The following WWC2 variants were observed in gnomAD, a reference collection of about 807,000 sequenced individuals.
WWC2 encodes WW and C2 domain containing 2, also known as protein WWC2.
WWC2 carries 101 observed loss-of-function variants against 138.5 expected under a neutral mutation model. That is an observed-to-expected ratio of 0.73 (90% CI 0.62 to 0.86). WWC2 has a LOEUF of 0.86. WWC2 is among the 40% of genes least tolerant of loss of function. The probability of loss-of-function intolerance (pLI) is 0.00; values close to 1 mark genes in which losing one functional copy is unlikely to be tolerated. For synonymous variants in WWC2, 558 were observed against 538.4 expected (o/e 1.04, Z -0.50); for missense variants, 1,420 against 1,419.4 (o/e 1.00, Z -0.01).
At chr4:183,133,176 T>C (rs1170300186) in intron 1 of WWC2, among the ~76,000 whole-genome samples, 1 of 144,952 alleles carries the variant, frequency 6.9e-6, no homozygotes, top group Non-Finnish European at 1.5e-5. Flanking sequence ...TTTGACCAGG[T>C]CTTGCTCTGT....
chr4:183,177,088 A>C (rs952092340), intron 1 of WWC2, among the ~76,000 whole-genome samples: 2 of 152,198 alleles, frequency 1.3e-5, no homozygotes, highest in Non-Finnish European at 2.9e-5. Context: ...GGTAGGAAGG[A>C]GGACTAGAGC....
intron 1 of WWC2, among the ~76,000 whole-genome samples, chr4:183,137,702 T>A (rs187086303): frequency 1.3e-5 from 2 of 152,318 alleles, no homozygotes; most frequent in African/African-American, 4.8e-5. Context: ...TTTTGCCATG[T>A]TGCCCAGGCT....
chr4:183,281,235 A>C (rs568194642), intron 17 of WWC2: 1 of 354,238 alleles, frequency 2.8e-6, no homozygotes. Flanking sequence ...AAGTGACTCT[A>C]TTTTTCTTTT....
chr4:183,264,222 C>T (rs1480382915), intron 11 of WWC2, among the ~76,000 whole-genome samples: 3 of 152,210 alleles, frequency 2.0e-5, no homozygotes, highest in Non-Finnish European at 2.9e-5. Flanking sequence ...TGTAAAGTCA[C>T]GGCTCAGAAG....
chr4:183,157,476 A>G (rs1378044471), intron 1 of WWC2, among the ~76,000 whole-genome samples: 2 of 152,136 alleles, frequency 1.3e-5, no homozygotes, highest in Admixed American at 6.5e-5. Flanking sequence ...GGGAAGGGGA[A>G]AGGACTTGTG....
At chr4:183,247,515 C>CTATTTATACTATATATATACTATA (rs367975871) in intron 6 of WWC2, among the ~76,000 whole-genome samples, 2 of 141,844 alleles carry the variant, frequency 1.4e-5, no homozygotes, top group African/African-American at 5.3e-5. Context: ...TATATATACA[C>CTATTTATACTATATATATACTATA]TATACTATAT....
At chr4:183,154,467 C>A (rs1488929227) in intron 1 of WWC2, among the ~76,000 whole-genome samples, 1 of 152,160 alleles carries the variant, frequency 6.6e-6, no homozygotes, top group Non-Finnish European at 1.5e-5. Context: ...GACCCTCAAG[C>A]CCTTGTCCTG....
intron 1 of WWC2, among the ~76,000 whole-genome samples, chr4:183,101,438 T>G (rs115345440): frequency 6.6e-6 from 1 of 152,340 alleles, no homozygotes; most frequent in African/African-American, 2.4e-5. Flanking sequence ...TAGGGACAAA[T>G]AGTTTTGACT....
In WWC2 at chr4:183,197,124, T is replaced by C. The variant is rs568777113; in HGVS notation, c.241+3416T>C. On this transcript the variant is annotated intron_variant, in intron 2 of 22. Coordinates refer to ENST00000403733, the MANE Select transcript of WWC2 (RefSeq NM_024949.6). ...AAAGCTTTCTGTTATTTAAAGGAAT[T>C]AAAGTACATTTCAAGTATAAATTAT... Among the ~76,000 whole-genome samples, 7 of 152,322 alleles carry C rather than the reference T, an allele frequency of 4.6e-5. No homozygotes were observed. In the South Asian group the frequency reaches 1.5e-3, roughly 32 times the overall value.
chr4:183,278,208 T>A (rs1336934530), intron 16 of WWC2, among the ~76,000 whole-genome samples: 1 of 151,972 alleles, frequency 6.6e-6, no homozygotes, highest in Non-Finnish European at 1.5e-5. Flanking sequence ...CTAGCCAGTT[T>A]TCCCAGCACC....
intron 14 of WWC2, among the ~76,000 whole-genome samples, 193 bp downstream of exon 14, chr4:183,266,144 T>C (rs1304374792): frequency 6.6e-6 from 1 of 152,214 alleles, no homozygotes; most frequent in East Asian, 1.9e-4. Context: ...TAATTCTTAC[T>C]CAACTGATTC....
chr4:183,113,513 T>TGCGCGC (rs755776067), intron 1 of WWC2, among the ~76,000 whole-genome samples: 6 of 112,188 alleles, frequency 5.3e-5, no homozygotes, highest in Non-Finnish European at 9.5e-5. Context: ...TGTGTGTGTG[T>TGCGCGC]GTGCGCGCGC....
chr4:183,243,949 A>C (rs1736693521), intron 5 of WWC2, among the ~76,000 whole-genome samples: 1 of 152,318 alleles, frequency 6.6e-6, no homozygotes, highest in African/African-American at 2.4e-5. Flanking sequence ...CATTATCTAT[A>C]AACCGCTCTT....
rs188878605 is a variant in WWC2, at chr4:183,296,176, C to A, written c.3384+6541C>A. Among the ~76,000 whole-genome samples, 687 of 152,348 alleles carry A rather than the reference C, an allele frequency of 4.5e-3. 4 individuals are homozygous for A. The highest frequency in any genetic ancestry group is 0.016 in the African/African-American group (658 of 41,594). On this transcript the variant is annotated intron_variant, in intron 21 of 22. Transcript: ENST00000403733. ...GGGTTTTGATTCTTTTAAAATGTCA[C>A]CACAACCCAACATACTTGTGTACAA... is the stretch of plus-strand genomic sequence containing the variant.
chr4:183,202,351 C>T (rs1488171232), intron 2 of WWC2, among the ~76,000 whole-genome samples: 1 of 152,070 alleles, frequency 6.6e-6, no homozygotes, highest in Non-Finnish European at 1.5e-5. Flanking sequence ...CTGGGAGGGG[C>T]AGTCTCTTCC....
intron 5 of WWC2, 138 bp from the exon 6 acceptor site, chr4:183,245,278 A>G (rs1321950039): frequency 1.5e-6 from 1 of 684,778 alleles, no homozygotes; most frequent in Non-Finnish European, 2.1e-6. Context: ...AACTGCCTGA[A>G]AAGATGATTG....
At chr4:183,307,216 T>C (rs919766036) in intron 21 of WWC2, among the ~76,000 whole-genome samples, 6 of 152,174 alleles carry the variant, frequency 3.9e-5, no homozygotes, top group African/African-American at 7.2e-5. Context: ...GAGATTAAAC[T>C]GCACACTTCT....
chr4:183,188,686 C>G (rs13135002), intron 1 of WWC2, among the ~76,000 whole-genome samples: 140,836 of 144,364 alleles, frequency 0.98, 68,799 homozygotes, highest in Non-Finnish European at 1. Flanking sequence ...GCTCTTGTCC[C>G]CAGGCTGGAG....
chr4:183,311,440 G>A (rs905846542), intron 21 of WWC2, among the ~76,000 whole-genome samples: 1 of 152,152 alleles, frequency 6.6e-6, no homozygotes, highest in African/African-American at 2.4e-5. Flanking sequence ...GACAAAAGAG[G>A]CACATTAGAA....
Sources: gnomAD v4.1 joint callset for allele counts (sites outside exome capture counted in the v4.1 genomes callset) on GRCh38, gnomAD v4.1.1 for gene constraint, MANE v1.5 for transcripts, NCBI Gene and HGNC (gene_info 2026-07-23, HGNC 2026-07-21) for gene names.